Variants in PDCD4 observed in about 807,000 individuals in gnomAD.
The protein encoded by PDCD4 is programmed cell death protein 4.
Under a neutral mutation model 54.0 loss-of-function variants are expected in PDCD4, and 56 were observed. The observed-to-expected ratio is 1.04, with a 90% CI of 0.84 to 1.30. The LOEUF is 1.30. PDCD4 is among the 50% of genes most tolerant of loss of function. PDCD4 has a pLI of 0.00. For missense variants in PDCD4, 584 were observed against 559.8 expected (o/e 1.04, Z -0.44); for synonymous variants, 186 against 194.8 (o/e 0.95, Z 0.37).
At chr10:110,894,025 C>T in intron 8 of PDCD4, 66 bp from the exon 9 acceptor site, 1 of 932,896 alleles carries the variant, frequency 1.1e-6, no homozygotes, top group South Asian at 1.4e-5. Context: ...GCAAATAATC[C>T]TGTAGGCAAG....
chr10:110,874,060 C>G (rs1845465156), intron 1 of PDCD4, among the ~76,000 whole-genome samples: 1 of 152,184 alleles, frequency 6.6e-6, no homozygotes, highest in Non-Finnish European at 1.5e-5. Context: ...TGAACTTGTG[C>G]AAACAGTACT....
intron 8 of PDCD4, among the ~76,000 whole-genome samples, chr10:110,893,115 A>G (rs1327548): frequency 0.75 from 114,277 of 151,788 alleles, 43,404 homozygotes; most frequent in East Asian, 0.87. Flanking sequence ...GCACCATGAC[A>G]GAGTCATCTA....
intron 1 of PDCD4, among the ~76,000 whole-genome samples, chr10:110,874,223 T>G (rs1350557690): frequency 1.3e-5 from 2 of 152,220 alleles, no homozygotes; most frequent in African/African-American, 4.8e-5. Flanking sequence ...AAATAATACA[T>G]GTACAATTCT....
At chr10:110,873,875 A>G (rs991177560) in intron 1 of PDCD4, among the ~76,000 whole-genome samples, 67 of 152,332 alleles carry the variant, frequency 4.4e-4, no homozygotes, top group African/African-American at 1.5e-3. Context: ...AAAAGAGATG[A>G]TAGTCATTTC....
intron 7 of PDCD4, 23 bp from the exon 8 acceptor site, chr10:110,890,533 T>C: frequency 6.7e-7 from 1 of 1,489,358 alleles, no homozygotes; most frequent in Non-Finnish European, 9.3e-7. Flanking sequence ...CTATCAAACT[T>C]AAATTTTTTT....
chr10:110,893,568 CATTT>C (rs1209174333), intron 8 of PDCD4, among the ~76,000 whole-genome samples: 1 of 151,886 alleles, frequency 6.6e-6, no homozygotes, highest in Non-Finnish European at 1.5e-5. Context: ...AATTATTGAA[CATTT>C]TAGATAATGA....
chr10:110,894,153 T>G lies in PDCD4; in HGVS notation c.1053T>G (p.Leu351=). The stretch of plus-strand genomic sequence containing the variant: ...ACATATCTGAAGCTGAACATTGCCT[T>G]AAGGAACTGGAAGTACCTCATTTTC... ...SGDISEAEHC[L]KELEVPHFHH... is the part of the protein sequence containing the mutation. The change falls in exon 9 of 12, where the codon CTT becomes CTG. Residue 351 remains leucine, a synonymous_variant. Coordinates refer to ENST00000280154, the MANE Select transcript of PDCD4 (RefSeq NM_014456.5). 1.2e-6 allele frequency: 2 copies of G among 1,609,018 alleles called. No individual in the cohort carries two copies. The highest frequency in any genetic ancestry group is 2.2e-5 in the South Asian group (2 of 90,972).
rs200669639 is a variant in PDCD4, at chr10:110,893,089, ATACTC to A, written c.991-999_991-995del. The stretch of plus-strand genomic sequence containing the variant: ...CTATACCATCTAGGTTTTTGTGAGT[ATACTC>A]TATGATGTTTGCACCATGACAGAGT... On this transcript the variant is annotated intron_variant, in intron 8 of 11. Transcript: ENST00000280154. Among the ~76,000 whole-genome samples the A allele has an allele frequency of 8.9e-3, 1,361 of 152,150 alleles. 5 individuals carry two copies. Among genetic ancestry groups the A allele is most frequent in the Middle Eastern group, 0.041 (12 of 294 alleles).
chr10:110,873,942 T>C (rs1845463203), intron 1 of PDCD4, among the ~76,000 whole-genome samples: 1 of 152,258 alleles, frequency 6.6e-6, no homozygotes, highest in African/African-American at 2.4e-5. Flanking sequence ...TAATTATTTT[T>C]AGTGTTTGGA....
At chr10:110,886,171 AT>A (rs1564682617) in intron 5 of PDCD4, among the ~76,000 whole-genome samples, 1 of 152,194 alleles carries the variant, frequency 6.6e-6, no homozygotes, top group Non-Finnish European at 1.5e-5. Flanking sequence ...ATGTAAACAG[AT>A]TATTAAAATA....
chr10:110,884,063 T>G (rs935628147), intron 4 of PDCD4, among the ~76,000 whole-genome samples: 2 of 152,222 alleles, frequency 1.3e-5, no homozygotes, highest in African/African-American at 4.8e-5. Flanking sequence ...CCAATGTGGT[T>G]TGAAAATATT....
intron 10 of PDCD4, 137 bp downstream of exon 10, chr10:110,894,659 A>C: frequency 2.4e-6 from 1 of 416,430 alleles, no homozygotes. Flanking sequence ...GTTTTTTCTT[A>C]ATGGTAATGT....
intron 2 of PDCD4, among the ~76,000 whole-genome samples, chr10:110,878,619 G>A (rs1038635301): frequency 7.2e-5 from 11 of 151,906 alleles, no homozygotes; most frequent in African/African-American, 2.7e-4. Context: ...GCCCTTGTTC[G>A]TCTCTTTAGC....
chr10:110,884,193 C>T (rs556101838), intron 4 of PDCD4, among the ~76,000 whole-genome samples: 3 of 152,336 alleles, frequency 2.0e-5, no homozygotes, highest in African/African-American at 7.2e-5. Flanking sequence ...GTGAGCCATT[C>T]CGTTGTCCAG....
intron 1 of PDCD4, among the ~76,000 whole-genome samples, chr10:110,874,943 T>C (rs569888600): frequency 6.6e-6 from 1 of 152,124 alleles, no homozygotes; most frequent in Non-Finnish European, 1.5e-5. Flanking sequence ...TTTCACTAAT[T>C]TGTGCATTTT....
At chr10:110,872,542 C>G (rs1819453837) in intron 1 of PDCD4, among the ~76,000 whole-genome samples, 1 of 152,164 alleles carries the variant, frequency 6.6e-6, no homozygotes, top group Non-Finnish European at 1.5e-5. Flanking sequence ...CCGGCCCAGC[C>G]CCTTCCGGGG....
chr10:110,879,785 C>T (rs1845563345), intron 2 of PDCD4, among the ~76,000 whole-genome samples: 1 of 151,986 alleles, frequency 6.6e-6, no homozygotes, highest in African/African-American at 2.4e-5. Flanking sequence ...AGGGAGACTA[C>T]TTATGAGACT....
chr10:110,882,926 A>G (rs974846122), intron 3 of PDCD4, 77 bp from the exon 4 acceptor site: 13 of 934,674 alleles, frequency 1.4e-5, no homozygotes, highest in African/African-American at 1.0e-4. Context: ...GTTGTTTAAC[A>G]TCGGAACATT....
chr10:110,882,217 T>A (rs1845602894), intron 3 of PDCD4, among the ~76,000 whole-genome samples: 1 of 152,226 alleles, frequency 6.6e-6, no homozygotes, highest in South Asian at 2.1e-4. Context: ...TATATCAAAA[T>A]GAAACCTGGT....
Sources: gnomAD v4.1 joint callset for allele counts (sites outside exome capture counted in the v4.1 genomes callset) on GRCh38, gnomAD v4.1.1 for gene constraint, MANE v1.5 for transcripts, NCBI Gene and HGNC (gene_info 2026-07-23, HGNC 2026-07-21) for gene names.